Variants in MSMB observed in about 807,000 individuals in gnomAD.
The protein encoded by MSMB is microseminoprotein beta.
MSMB carries 10 observed loss-of-function variants against 10.5 expected under a neutral mutation model. The observed-to-expected ratio is 0.95, with a 90% CI of 0.59 to 1.62. The LOEUF is 1.62. MSMB is among the 40% of genes most tolerant of loss of function. The pLI, the probability that MSMB is intolerant of heterozygous loss-of-function variation, is 0.00. For synonymous variants in MSMB, 43 were observed against 46.5 expected, an observed-to-expected ratio of 0.93 and a Z score of 0.30; for missense variants, 126 against 137.4, an observed-to-expected ratio of 0.92 and a Z score of 0.42.
In MSMB at chr10:46,039,062, T is replaced by A; in HGVS notation, c.119A>T (p.Asp40Val). The change falls in exon 3 of 4, where the codon GAT becomes GTT. Residue 40 changes from aspartate (D) to valine (V), a missense_variant. Asp to Val is a radical substitution (Grantham distance 152). Coordinates refer to ENST00000582163, the MANE Select transcript of MSMB (RefSeq NM_002443.4). Reference sequence around the variant, plus strand: ...TATTGGGTGTTTGTTTCCTTTGAGATCCATGCATTCTAAAATAATACACAC... The same window carrying A: ...TATTGGGTGTTTGTTTCCTTTGAGAACCATGCATTCTAAAATAATACACAC... ...VPGDSTRKCM[D>V]LKGNKHPINS... is the part of the protein sequence containing the mutation. 6.2e-7 allele frequency: 1 copy of A among 1,613,776 alleles called. No individual in the cohort carries two copies. Among genetic ancestry groups the A allele is most frequent in the Middle Eastern group, 1.7e-4 (1 of 6,060 alleles).
At chr10:46,044,491 G>C (rs979715856) in intron 1 of MSMB, among the ~76,000 whole-genome samples, 2 of 149,174 alleles carry the variant, frequency 1.3e-5, no homozygotes, top group Non-Finnish European at 3.0e-5. Flanking sequence ...CAGGAGAATG[G>C]CGTGAACCCG....
intron 1 of MSMB, 146 bp downstream of exon 1, chr10:46,046,089 C>G: frequency 1.2e-6 from 1 of 824,340 alleles, no homozygotes; most frequent in Non-Finnish European, 2.0e-6. Context: ...ATACTCTGCA[C>G]ATTGAATTGC....
chr10:46,035,615 C>T (rs7070965), intron 3 of MSMB, among the ~76,000 whole-genome samples: 49,753 of 151,970 alleles, frequency 0.33, 9,968 homozygotes, highest in African/African-American at 0.58. Flanking sequence ...TTCATAGAGA[C>T]AGAAAGTAGA....
At chr10:46,037,742 A>T (rs1840642490) in intron 3 of MSMB, among the ~76,000 whole-genome samples, 1 of 152,202 alleles carries the variant, frequency 6.6e-6, no homozygotes, top group Non-Finnish European at 1.5e-5. Context: ...TGACCGGGCC[A>T]ATCTCTGGAA....
intron 1 of MSMB, among the ~76,000 whole-genome samples, chr10:46,044,508 G>A (rs1332109673): frequency 1.4e-5 from 2 of 147,632 alleles, no homozygotes; most frequent in Non-Finnish European, 3.0e-5. Flanking sequence ...CCCGGGAGGT[G>A]GAGCTTGCAG....
At chr10:46,040,948 C>T (rs1554928493) in intron 1 of MSMB, among the ~76,000 whole-genome samples, 21 of 149,270 alleles carry the variant, frequency 1.4e-4, no homozygotes. Flanking sequence ...AGCGAGACTC[C>T]GTCTCAAAAA....
chr10:46,045,903 G>A (rs566964789), intron 1 of MSMB, among the ~76,000 whole-genome samples: 5 of 152,168 alleles, frequency 3.3e-5, no homozygotes, highest in Admixed American at 6.5e-5. Flanking sequence ...AAACGATGCA[G>A]TCATGTAGCT....
intron 1 of MSMB, among the ~76,000 whole-genome samples, chr10:46,040,845 T>C (rs1464120204): frequency 6.6e-6 from 1 of 152,000 alleles, no homozygotes; most frequent in Non-Finnish European, 1.5e-5. Flanking sequence ...TCCCAGCTAC[T>C]CGGGAGTCTG....
intron 3 of MSMB, among the ~76,000 whole-genome samples, chr10:46,037,680 T>C (rs907817954): frequency 6.6e-6 from 1 of 152,206 alleles, no homozygotes; most frequent in East Asian, 1.9e-4. Flanking sequence ...CCTCTGCCTA[T>C]GCTCAGAGCC....
At chr10:46,042,164 TAAG>T (rs1380631971) in intron 1 of MSMB, among the ~76,000 whole-genome samples, 1 of 152,116 alleles carries the variant, frequency 6.6e-6, no homozygotes, top group African/African-American at 2.4e-5. Flanking sequence ...ATAAACGTCA[TAAG>T]AACATAACTG....
Position 46,042,739 on chromosome 10 carries a change from G to A in MSMB, c.4-2648C>T, listed in dbSNP as rs112482525. ...CAAGGTAGAAGGTGAAGTCACATGA[G>A]CAATTGATCACCACATGTCACGACA... On this transcript the variant is annotated intron_variant, in intron 1 of 3. Transcript: ENST00000582163. Among the ~76,000 whole-genome samples the A allele has an allele frequency of 1.7e-3, 263 of 152,306 alleles. 2 individuals carry two copies. The South Asian group carries it at 0.019, about 11-fold the overall frequency.
chr10:46,038,602 A>C (rs1296462491), intron 3 of MSMB, among the ~76,000 whole-genome samples: 1 of 152,030 alleles, frequency 6.6e-6, no homozygotes, highest in African/African-American at 2.4e-5. Context: ...ATTTTTTAAA[A>C]AGAAAGAAAT....
At chr10:46,042,063 G>T (rs1029494041) in intron 1 of MSMB, among the ~76,000 whole-genome samples, 1 of 151,982 alleles carries the variant, frequency 6.6e-6, no homozygotes, top group Non-Finnish European at 1.5e-5. Context: ...AGGATTCAAG[G>T]TTTAAGTTTT....
At chr10:46,042,624 C>T (rs1249902258) in intron 1 of MSMB, among the ~76,000 whole-genome samples, 1 of 152,144 alleles carries the variant, frequency 6.6e-6, no homozygotes, top group East Asian at 1.9e-4. Flanking sequence ...CACAACGATG[C>T]TCACTGCAGT....
chr10:46,043,103 G>A (rs1554928853), intron 1 of MSMB, among the ~76,000 whole-genome samples: 1 of 152,048 alleles, frequency 6.6e-6, no homozygotes, highest in African/African-American at 2.4e-5. Context: ...CAGCCTTGTT[G>A]ACAGCATTTT....
intron 3 of MSMB, among the ~76,000 whole-genome samples, chr10:46,033,788 C>G (rs529407177): frequency 2.6e-5 from 4 of 152,354 alleles, no homozygotes; most frequent in East Asian, 1.9e-4. Context: ...CTGACAGGCC[C>G]AGGGGCAAGT....
intron 1 of MSMB, among the ~76,000 whole-genome samples, chr10:46,043,871 C>G (rs1482260447): frequency 6.6e-6 from 1 of 152,034 alleles, no homozygotes; most frequent in Non-Finnish European, 1.5e-5. Flanking sequence ...GACGTAGTTT[C>G]ATCATGTTGG....
intron 3 of MSMB, among the ~76,000 whole-genome samples, chr10:46,035,464 A>C (rs1590192396): frequency 6.6e-6 from 1 of 152,260 alleles, no homozygotes; most frequent in Non-Finnish European, 1.5e-5. Flanking sequence ...ATGGAATATT[A>C]TTCTGGCAGA....
chr10:46,033,969 C>T (rs1554927198), intron 3 of MSMB, among the ~76,000 whole-genome samples: 3 of 152,218 alleles, frequency 2.0e-5, no homozygotes, highest in African/African-American at 7.2e-5. Context: ...CAATGAGTCA[C>T]TCCAGGCCAG....
Sources: allele counts gnomAD v4.1 joint callset (sites outside exome capture counted in the v4.1 genomes callset), GRCh38; gene constraint gnomAD v4.1.1; transcripts MANE v1.5; gene names NCBI Gene and HGNC (gene_info 2026-07-23, HGNC 2026-07-21).